The following SLC20A1 variants were observed in gnomAD, a reference collection of about 807,000 sequenced individuals.
The protein encoded by SLC20A1 is solute carrier family 20 member 1.
In SLC20A1, 28 loss-of-function variants were observed where a neutral mutation model predicts 62.7. The observed-to-expected ratio is 0.45, with a 90% CI of 0.33 to 0.61. SLC20A1 has a LOEUF of 0.61. Among genes scored for constraint, SLC20A1 ranks in the 20% least tolerant of loss-of-function variants. SLC20A1 has a pLI of 0.02. For synonymous variants in SLC20A1, 305 were observed against 302.9 expected (o/e 1.01, Z -0.07); for missense variants, 673 against 838.6 (o/e 0.80, Z 2.44).
chr2:112,652,790 G>A lies in SLC20A1; in HGVS notation c.650G>A (p.Gly217Glu), dbSNP rs555852623. ...AACCTCTTTTCCATCATGTATACTGGAGCACCGTGTAAGTACCTATCAAAA... is the reference window on the plus strand; with the variant it reads ...AACCTCTTTTCCATCATGTATACTGAAGCACCGTGTAAGTACCTATCAAAA... ...GINLFSIMYT[G>E]APLLGFDKLP... The change falls in exon 5 of 11, where the codon GGA (glycine) becomes GAA (glutamate). Residue 217 changes from glycine to glutamate, a missense_variant. Gly to Glu is a moderately conservative substitution (Grantham distance 98). Transcript: ENST00000272542. 6.2e-7 allele frequency: 1 copy of A among 1,613,856 alleles called. No homozygotes were observed. Among genetic ancestry groups the A allele is most frequent in the Non-Finnish European group, 8.5e-7 (1 of 1,179,756 alleles).
chr2:112,654,964 A>ATTT (rs371613434), intron 5 of SLC20A1, among the ~76,000 whole-genome samples: 2 of 89,364 alleles, frequency 2.2e-5, no homozygotes, highest in African/African-American at 3.9e-5. Context: ...TTTGTTTCTA[A>ATTT]TTTTTTTTTT....
chr2:112,659,677 A>G lies in SLC20A1; in HGVS notation c.1522A>G (p.Lys508Glu). 2 of 1,614,248 alleles carry G rather than the reference A, an allele frequency of 1.2e-6. No individual in the cohort carries two copies. Among genetic ancestry groups the G allele is most frequent in the Non-Finnish European group, 1.7e-6 (2 of 1,180,036 alleles). ...GSLEEWYDQD[K>E]PEVSLLFQFL... ...TCTAGAAGAATGGTATGACCAGGAT[A>G]AGCCTGAAGTCTCTCTCCTCTTCCA... Residue 508 changes from lysine to glutamate, a missense_variant, in exon 8 of 11, where the codon AAG becomes GAG. Transcript: ENST00000272542.
chr2:112,659,242 A>G lies in SLC20A1; in HGVS notation c.1087A>G (p.Ser363Gly). The change falls in exon 8 of 11, where the codon AGT (serine) becomes GGT (glycine). Residue 363 changes from serine (S) to glycine (G), a missense_variant. By Grantham distance (56) the Ser-to-Gly change is moderately conservative (BLOSUM62 0). Coordinates refer to ENST00000272542, the MANE Select transcript of SLC20A1 (RefSeq NM_005415.5). The stretch of plus-strand genomic sequence containing the variant: ...GCCTAATGGGAACCTTGTCCAGTTC[A>G]GTCAAGCCGTCAGCAACCAAATAAA... Reference protein sequence around the residue: ...QLPNGNLVQFSQAVSNQINSS... With the variant: ...QLPNGNLVQFGQAVSNQINSS... 1 of 1,614,170 alleles carries G rather than the reference A, an allele frequency of 6.2e-7. No homozygotes were observed. Among genetic ancestry groups the G allele is most frequent in the Non-Finnish European group, 8.5e-7 (1 of 1,180,004 alleles).
At chr2:112,654,355 T>C (rs1318768000) in intron 5 of SLC20A1, among the ~76,000 whole-genome samples, 4 of 152,230 alleles carry the variant, frequency 2.6e-5, no homozygotes, top group African/African-American at 9.6e-5. Context: ...ACTCATTCTT[T>C]ATGTGGTAGA....
chr2:112,661,257 A>G (rs1192095496), intron 10 of SLC20A1, 31 bp downstream of exon 10: 4 of 1,528,126 alleles, frequency 2.6e-6, no homozygotes, highest in Non-Finnish European at 3.6e-6. Context: ...TGTCTTTCAA[A>G]TGGTTCTTCT....
rs1490549850 is a variant in SLC20A1 at position 112,658,863 on chromosome 2, GA to G, written c.824del (p.Lys275ArgfsTer4). 2 of 1,613,434 alleles carry G rather than the reference GA, an allele frequency of 1.2e-6. No individual in the cohort carries two copies. Among genetic ancestry groups the G allele is most frequent in the South Asian group, 1.1e-5 (1 of 91,008 alleles). On this transcript the variant is annotated frameshift_variant, in exon 7 of 11. Coordinates refer to ENST00000272542, the MANE Select transcript of SLC20A1 (RefSeq NM_005415.5). LOFTEE classifies it high-confidence loss of function. ...TAGTCCTTCTGAAAGCCCCTTAATGGAAAAAAAGAATAGCTTGAAAGAAGAC... is the reference window on the plus strand; with the variant it reads ...TAGTCCTTCTGAAAGCCCCTTAATGGAAAAAAGAATAGCTTGAAAGAAGAC... Reference protein sequence around the residue: ...KCSPSESPLMEKKNSLKEDHE... With the variant: ...KCSPSESPLMXKKNSLKEDHE...
intron 4 of SLC20A1, 82 bp from the exon 5 acceptor site, chr2:112,652,620 A>G: frequency 8.8e-7 from 1 of 1,141,374 alleles, no homozygotes; most frequent in South Asian, 1.3e-5. Flanking sequence ...TATAATTCCC[A>G]AACCTACCCT....
At chr2:112,647,552 G>T in intron 3 of SLC20A1, 88 bp downstream of exon 3, 1 of 1,579,338 alleles carries the variant, frequency 6.3e-7, no homozygotes, top group Non-Finnish European at 8.7e-7. Flanking sequence ...TTCTAACGTC[G>T]AGGGACAGAC....
Position 112,659,184 on chromosome 2 carries a change from A to G in SLC20A1, c.1049-20A>G. 2 of 1,606,608 alleles carry G rather than the reference A, an allele frequency of 1.2e-6. No homozygotes were observed. Among genetic ancestry groups the G allele is most frequent in the Non-Finnish European group, 1.7e-6 (2 of 1,174,482 alleles). ...TTTGATGCTTTTTGTATTGAATGTC[A>G]CCTTGGTGATCTTGACTAGGTGCAG... is the stretch of plus-strand genomic sequence containing the variant. On this transcript the variant is annotated intron_variant, in intron 7 of 10. Transcript: ENST00000272542.
chr2:112,659,154 T>G, intron 7 of SLC20A1, 50 bp from the exon 8 acceptor site: 3 of 1,605,686 alleles, frequency 1.9e-6, no homozygotes, highest in Non-Finnish European at 1.7e-6. Context: ...GCTTATTGTT[T>G]TGGATTTGAT....
chr2:112,661,003 G>GGGTT, intron 9 of SLC20A1, 139 bp from the exon 10 acceptor site: 1 of 584,604 alleles, frequency 1.7e-6, no homozygotes. Flanking sequence ...TAGATCTTAG[G>GGGTT]GGTTATAGCA....
At chr2:112,653,813 A>G (rs1481987078) in intron 5 of SLC20A1, among the ~76,000 whole-genome samples, 1 of 151,942 alleles carries the variant, frequency 6.6e-6, no homozygotes, top group African/African-American at 2.4e-5. Context: ...TATTTTTTTG[A>G]GACAGTTTTG....
chr2:112,655,510 A>G (rs903344016), intron 5 of SLC20A1, among the ~76,000 whole-genome samples: 1 of 135,074 alleles, frequency 7.4e-6, no homozygotes, highest in African/African-American at 2.7e-5. Flanking sequence ...GATCATTATA[A>G]TATCTTTTAT....
chr2:112,651,301 A>G (rs748045969), intron 4 of SLC20A1, among the ~76,000 whole-genome samples: 1 of 152,116 alleles, frequency 6.6e-6, no homozygotes, highest in Non-Finnish European at 1.5e-5. Context: ...TTCCTCCCCA[A>G]GATTTTCCAC....
chr2:112,650,396 G>A (rs1253683857), intron 4 of SLC20A1, among the ~76,000 whole-genome samples: 2 of 149,250 alleles, frequency 1.3e-5, no homozygotes, highest in South Asian at 2.1e-4. Context: ...GCAGTGGCAC[G>A]ATCTGGGCTT....
chr2:112,653,010 A>G (rs1316036712), intron 5 of SLC20A1: 3 of 1,225,418 alleles, frequency 2.4e-6, no homozygotes, highest in Middle Eastern at 2.0e-4. Context: ...CTAAATCACT[A>G]CAGACCTTTC....
chr2:112,657,747 T>C lies in SLC20A1; in HGVS notation c.778+506T>C, dbSNP rs183185162. ...GGCTAGAATACATGTAGACATTGTA[T>C]TGCAGTATACAATGCAAATACATAT... is the stretch of plus-strand genomic sequence containing the variant. On this transcript the variant is annotated intron_variant, in intron 6 of 10. Coordinates refer to ENST00000272542, the MANE Select transcript of SLC20A1 (RefSeq NM_005415.5). 5.3e-3 allele frequency among the ~76,000 whole-genome samples: 815 copies of C among 152,354 alleles called. 5 individuals carry two copies. The highest frequency in any genetic ancestry group is 7.8e-3 in the Non-Finnish European group (532 of 68,028).
chr2:112,660,623 G>C (rs1686722419), intron 9 of SLC20A1, 51 bp downstream of exon 9: 1 of 1,497,810 alleles, frequency 6.7e-7, no homozygotes, highest in African/African-American at 1.4e-5. Context: ...TTTTTTCAGA[G>C]ATATAACACT....
intron 10 of SLC20A1, among the ~76,000 whole-genome samples, chr2:112,661,480 CT>C (rs1686747043): frequency 6.6e-6 from 1 of 151,192 alleles, no homozygotes; most frequent in African/African-American, 2.4e-5. Context: ...TTTATCCTCC[CT>C]CATTGTAGTC....
Sources: allele counts gnomAD v4.1 joint callset (sites outside exome capture counted in the v4.1 genomes callset), GRCh38; gene constraint gnomAD v4.1.1; transcripts MANE v1.5; gene names NCBI Gene and HGNC (gene_info 2026-07-23, HGNC 2026-07-21).